The following ZNF385D variants were observed in gnomAD, a reference collection of about 807,000 sequenced individuals.
ZNF385D encodes zinc finger protein 385D, also known as zinc finger protein 659.
ZNF385D carries 15 observed loss-of-function variants against 35.8 expected under a neutral mutation model. That is an observed-to-expected ratio of 0.42 (90% confidence interval 0.28 to 0.64). The LOEUF is 0.64. ZNF385D is among the 30% of genes least tolerant of loss of function. ZNF385D has a pLI of 0.23. For missense variants in ZNF385D, 474 were observed against 494.6 expected (o/e 0.96, Z 0.39); for synonymous variants, 212 against 186.8 (o/e 1.13, Z -1.10).
chr3:22,356,230 T>C (rs1239350717), intron 2 of ZNF385D, among the ~76,000 whole-genome samples: 1 of 151,956 alleles, frequency 6.6e-6, no homozygotes, highest in Non-Finnish European at 1.5e-5. Context: ...AGGTACTCTG[T>C]TTTGCCTTAT....
At chr3:22,075,589 T>C (rs66476037) in intron 3 of ZNF385D, among the ~76,000 whole-genome samples, 65,308 of 151,638 alleles carry the variant, frequency 0.43, 14,849 homozygotes, top group African/African-American at 0.58. Flanking sequence ...TCTACCATCT[T>C]TTGTAAGATT....
intron 3 of ZNF385D, among the ~76,000 whole-genome samples, chr3:22,133,135 A>G (rs1433718884): frequency 6.6e-6 from 1 of 152,192 alleles, no homozygotes; most frequent in Non-Finnish European, 1.5e-5. Context: ...TACAAGAATA[A>G]TCTTTAAAAA....
intron 3 of ZNF385D, among the ~76,000 whole-genome samples, chr3:21,965,377 C>A (rs1470500158): frequency 2.6e-5 from 4 of 152,078 alleles, no homozygotes; most frequent in African/African-American, 9.7e-5. Context: ...TGGGGAAACA[C>A]AAATGAGCAA....
chr3:21,875,302 A>G (rs1575818610), intron 3 of ZNF385D, among the ~76,000 whole-genome samples: 1 of 151,914 alleles, frequency 6.6e-6, no homozygotes, highest in East Asian at 1.9e-4. Flanking sequence ...TCATGGTTGC[A>G]AAATCTTCCA....
intron 3 of ZNF385D, among the ~76,000 whole-genome samples, chr3:21,821,824 C>T (rs1051455745): frequency 6.6e-6 from 1 of 151,812 alleles, no homozygotes; most frequent in Admixed American, 6.6e-5. Context: ...TAACCAGGCA[C>T]GGTAGCACGT....
intron 2 of ZNF385D, among the ~76,000 whole-genome samples, chr3:21,601,620 G>A (rs1030360216): frequency 9.2e-5 from 14 of 152,138 alleles, no homozygotes; most frequent in African/African-American, 3.4e-4. Flanking sequence ...GCAAATTTTA[G>A]TGCTAATTAT....
intron 3 of ZNF385D, among the ~76,000 whole-genome samples, chr3:22,162,469 T>C (rs544025642): frequency 1.3e-4 from 20 of 152,234 alleles, no homozygotes; most frequent in African/African-American, 4.6e-4. Context: ...AATCTAACCA[T>C]TTTGAAGTTC....
At chr3:22,202,832 G>T (rs1696893130) in intron 2 of ZNF385D, among the ~76,000 whole-genome samples, 2 of 152,084 alleles carry the variant, frequency 1.3e-5, no homozygotes, top group Admixed American at 1.3e-4. Context: ...GCCTATAAAG[G>T]GAGCATTTAG....
At chr3:21,686,642 T>A (rs938758842) in intron 1 of ZNF385D, among the ~76,000 whole-genome samples, 2 of 152,242 alleles carry the variant, frequency 1.3e-5, no homozygotes, top group African/African-American at 4.8e-5. Flanking sequence ...GTGTGTATTT[T>A]GCACTTACAT....
chr3:21,463,346 T>C (rs936131203), intron 4 of ZNF385D, among the ~76,000 whole-genome samples: 5 of 152,232 alleles, frequency 3.3e-5, no homozygotes, highest in Admixed American at 2.0e-4. Flanking sequence ...CTGTGATTTG[T>C]TTCTGCATTA....
intron 2 of ZNF385D, among the ~76,000 whole-genome samples, chr3:22,342,091 C>T (rs187891022): frequency 6.6e-6 from 1 of 151,776 alleles, no homozygotes; most frequent in African/African-American, 2.4e-5. Flanking sequence ...CTGGCTAACA[C>T]GGTGAAACCC....
chr3:22,339,752 A>G (rs1271264185), intron 2 of ZNF385D, among the ~76,000 whole-genome samples: 1 of 152,112 alleles, frequency 6.6e-6, no homozygotes, highest in Non-Finnish European at 1.5e-5. Context: ...TTCTGCCTTC[A>G]CTATCTTGAA....
At chr3:22,040,503 G>C (rs148151517) in intron 3 of ZNF385D, among the ~76,000 whole-genome samples, 23 of 152,238 alleles carry the variant, frequency 1.5e-4, no homozygotes, top group African/African-American at 5.3e-4. Flanking sequence ...TTGTAATTTT[G>C]ATTTTCTAAA....
At chr3:21,927,602 A>G (rs921741082) in intron 3 of ZNF385D, among the ~76,000 whole-genome samples, 2 of 152,236 alleles carry the variant, frequency 1.3e-5, no homozygotes, top group African/African-American at 4.8e-5. Context: ...GACAAACTTT[A>G]GATTTAAAAA....
chr3:21,456,835 C>T (rs963056357), intron 4 of ZNF385D, among the ~76,000 whole-genome samples: 1 of 152,072 alleles, frequency 6.6e-6, no homozygotes, highest in African/African-American at 2.4e-5. Context: ...ATCCCCTTAC[C>T]ATCTTCAAGA....
intron 1 of ZNF385D, among the ~76,000 whole-genome samples, chr3:21,692,986 G>A (rs1004447958): frequency 6.6e-6 from 1 of 152,008 alleles, no homozygotes; most frequent in African/African-American, 2.4e-5. Flanking sequence ...TTATTTATTG[G>A]ACATTTATTG....
intron 3 of ZNF385D, among the ~76,000 whole-genome samples, chr3:22,141,040 G>C (rs1704472876): frequency 6.6e-6 from 1 of 152,136 alleles, no homozygotes; most frequent in African/African-American, 2.4e-5. Context: ...GCAATTTATA[G>C]TACAACAAAT....
chr3:22,195,334 T>C (rs1432465336), intron 2 of ZNF385D, among the ~76,000 whole-genome samples: 1 of 151,956 alleles, frequency 6.6e-6, no homozygotes, highest in Non-Finnish European at 1.5e-5. Context: ...TTCAAGTCTG[T>C]TGACTGGAGT....
At chr3:22,199,806 T>C (rs757125072) in intron 2 of ZNF385D, among the ~76,000 whole-genome samples, 3 of 152,090 alleles carry the variant, frequency 2.0e-5, no homozygotes, top group East Asian at 1.9e-4. Context: ...ACAAAATATA[T>C]GCATATATGT....
Sources: gnomAD v4.1 joint callset for allele counts (sites outside exome capture counted in the v4.1 genomes callset) on GRCh38, gnomAD v4.1.1 for gene constraint, MANE v1.5 for transcripts, NCBI Gene and HGNC (gene_info 2026-07-23, HGNC 2026-07-21) for gene names.